The following ZNF385D variants were observed in gnomAD, a reference collection of about 807,000 sequenced individuals.
ZNF385D encodes zinc finger protein 385D, also known as zinc finger protein 659.
Under a neutral mutation model 35.8 loss-of-function variants are expected in ZNF385D, and 15 were observed. The observed-to-expected ratio is 0.42, with a 90% CI of 0.28 to 0.64. The LOEUF (loss-of-function observed/expected upper bound fraction) is 0.64. Among genes scored for constraint, ZNF385D ranks in the 30% least tolerant of loss-of-function variants. The pLI is 0.23. For missense variants in ZNF385D, 474 were observed against 494.6 expected (o/e 0.96, Z 0.39); for synonymous variants, 212 against 186.8 (o/e 1.13, Z -1.10).
intron 4 of ZNF385D, among the ~76,000 whole-genome samples, chr3:21,458,038 C>T (rs1702927870): frequency 6.6e-6 from 1 of 151,882 alleles, no homozygotes; most frequent in African/African-American, 2.4e-5. Flanking sequence ...AGAGAATCAA[C>T]AACAACAAAA....
intron 2 of ZNF385D, among the ~76,000 whole-genome samples, chr3:21,630,442 T>A (rs1461112512): frequency 1.3e-5 from 2 of 152,056 alleles, no homozygotes. Flanking sequence ...TGACCTCAGG[T>A]GATCTGCCCG....
Position 22,018,862 on chromosome 3 carries a change from T to A in ZNF385D, c.325+149955A>T, listed in dbSNP as rs894797297. On this transcript the variant is annotated intron_variant, in intron 3 of 5. Coordinates refer to the ZNF385D transcript ENST00000494108. ...GAAATGGGTGGAGTTTAATTGCTAA[T>A]TTTTGAGTTTAGATTCCCAATGCAT... 2.6e-5 allele frequency among the ~76,000 whole-genome samples: 4 copies of A among 151,944 alleles called. No individual in the cohort carries two copies. In the East Asian group the frequency reaches 7.7e-4, roughly 29 times the overall value.
intron 2 of ZNF385D, chr3:22,169,102 T>C: frequency 1.3e-6 from 1 of 742,662 alleles, no homozygotes; most frequent in Non-Finnish European, 1.6e-6. Flanking sequence ...ATTTATTAAA[T>C]TGGGTGGCAA....
rs186217386 is a variant in ZNF385D, at chr3:21,959,678, C to A, written c.325+209139G>T. 3.3e-5 allele frequency among the ~76,000 whole-genome samples: 5 copies of A among 152,262 alleles called. No homozygotes were observed. The East Asian group carries it at 9.7e-4, about 29-fold the overall frequency. On this transcript the variant is annotated intron_variant, in intron 3 of 5. Coordinates refer to the ZNF385D transcript ENST00000494108. The stretch of plus-strand genomic sequence containing the variant: ...ATGGGGCTAGCCCCATGGGTGGGTA[C>A]ACAGAAAAGGAACCTTGGGCCTGTG...
chr3:22,261,044 G>T (rs997879677), intron 2 of ZNF385D, among the ~76,000 whole-genome samples: 2 of 151,868 alleles, frequency 1.3e-5, no homozygotes, highest in Non-Finnish European at 2.9e-5. Flanking sequence ...ATATGTACTA[G>T]AAATGAACTG....
chr3:22,234,558 T>C (rs74653741), intron 2 of ZNF385D, among the ~76,000 whole-genome samples: 2,340 of 152,170 alleles, frequency 0.015, 57 homozygotes, highest in African/African-American at 0.053. Context: ...TCTTAGCCTA[T>C]AGATGTCTTG....
chr3:21,760,523 C>T (rs1338374933), intron 3 of ZNF385D, among the ~76,000 whole-genome samples: 3 of 152,198 alleles, frequency 2.0e-5, no homozygotes, highest in Non-Finnish European at 4.4e-5. Context: ...GTAACCCTCA[C>T]ATTTCATATT....
At chr3:21,968,998 G>C (rs543068572) in intron 3 of ZNF385D, among the ~76,000 whole-genome samples, 49 of 152,250 alleles carry the variant, frequency 3.2e-4, no homozygotes, top group African/African-American at 1.1e-3. Context: ...ATTCTCCTGA[G>C]AGACACAGAT....
rs748404396 is a variant in ZNF385D, at chr3:21,420,119, GAAAAACCCATA to G, written c.*1084_*1094del. On this transcript the variant is annotated 3_prime_UTR_variant, in exon 8 of 8. Transcript: ENST00000281523. ...TGTCAGCAGGTAATCTAAAAAACAAGAAAAACCCATAAAAATAGCTAATGCTTAATTCTACC... is the reference window on the plus strand; with the variant it reads ...TGTCAGCAGGTAATCTAAAAAACAAGAAAATAGCTAATGCTTAATTCTACC... 1.3e-4 allele frequency: 19 copies of G among 151,852 alleles called. No individual in the cohort carries two copies. Among genetic ancestry groups the G allele is most frequent in the Non-Finnish European group, 1.3e-4 (9 of 67,950 alleles). 9.4% of individuals were successfully genotyped at this position (151,852 alleles called of 1,614,324 possible). A position where few individuals can be genotyped will look rare whatever the true frequency, so the allele number is the denominator to read the frequency against.
At chr3:21,922,983 T>C (rs775332153) in intron 3 of ZNF385D, among the ~76,000 whole-genome samples, 1 of 152,072 alleles carries the variant, frequency 6.6e-6, no homozygotes, top group Non-Finnish European at 1.5e-5. Flanking sequence ...GACATGAACA[T>C]ACACTTCTCA....
At chr3:21,499,022 T>G (rs1706155512) in intron 4 of ZNF385D, among the ~76,000 whole-genome samples, 1 of 151,408 alleles carries the variant, frequency 6.6e-6, no homozygotes, top group African/African-American at 2.4e-5. Context: ...ACTTATATAC[T>G]GTTGGTGGGA....
chr3:21,968,689 T>C (rs560632531), intron 3 of ZNF385D, among the ~76,000 whole-genome samples: 120 of 152,304 alleles, frequency 7.9e-4, no homozygotes, highest in Middle Eastern at 3.4e-3. Flanking sequence ...ACTAGAGAGC[T>C]CTTGGGCCCT....
chr3:22,258,845 T>C lies in ZNF385D; in HGVS notation c.107-89810A>G, dbSNP rs540706433. Among the ~76,000 whole-genome samples the C allele has an allele frequency of 1.4e-4, 22 of 151,988 alleles. No homozygotes were observed. In the South Asian group the frequency reaches 4.6e-3, roughly 31 times the overall value. On this transcript the variant is annotated intron_variant, in intron 2 of 5. Transcript: ENST00000494108. ...AAAATAGAAAAATAGCATTGTTTTA[T>C]AGTTGTGAAAATCTCTTTGCTTTGG...
At chr3:21,526,682 A>G (rs1295189736) in intron 3 of ZNF385D, among the ~76,000 whole-genome samples, 2 of 152,168 alleles carry the variant, frequency 1.3e-5, no homozygotes, top group Non-Finnish European at 2.9e-5. Context: ...ATTTCGCAAC[A>G]TGTATATTAT....
chr3:22,314,722 TGCATGCTCTAGTTTAA>T (rs1703789032), intron 2 of ZNF385D, among the ~76,000 whole-genome samples: 1 of 152,116 alleles, frequency 6.6e-6, no homozygotes, highest in Non-Finnish European at 1.5e-5. Flanking sequence ...CCATTGAGAA[TGCATGCTCTAGTTTAA>T]GTTTGAGTAG....
At chr3:22,372,237 C>T (rs1480277814) in intron 2 of ZNF385D, among the ~76,000 whole-genome samples, 1 of 152,182 alleles carries the variant, frequency 6.6e-6, no homozygotes, top group Non-Finnish European at 1.5e-5. Context: ...CTCCTTGGCA[C>T]CGAGAAGAGG....
At chr3:22,339,950 C>T (rs964996216) in intron 2 of ZNF385D, among the ~76,000 whole-genome samples, 2 of 152,212 alleles carry the variant, frequency 1.3e-5, no homozygotes, top group East Asian at 3.8e-4. Flanking sequence ...GTTGTTTTCT[C>T]TTCCATTTCC....
At chr3:21,766,059 G>C (rs1003638565) in intron 3 of ZNF385D, among the ~76,000 whole-genome samples, 1 of 152,022 alleles carries the variant, frequency 6.6e-6, no homozygotes, top group Non-Finnish European at 1.5e-5. Flanking sequence ...GAAAGATAGT[G>C]GCCGAAAGGA....
intron 3 of ZNF385D, among the ~76,000 whole-genome samples, chr3:21,775,437 G>T (rs1185939960): frequency 2.0e-5 from 3 of 151,864 alleles, no homozygotes; most frequent in Middle Eastern, 3.4e-3. Context: ...AAGAAAGTGG[G>T]GGATAAAGGA....
Sources: allele counts gnomAD v4.1 joint callset (sites outside exome capture counted in the v4.1 genomes callset), GRCh38; gene constraint gnomAD v4.1.1; transcripts MANE v1.5; gene names NCBI Gene and HGNC (gene_info 2026-07-23, HGNC 2026-07-21).